The following RNF144B variants were observed in gnomAD, a reference collection of about 807,000 sequenced individuals.
The protein encoded by RNF144B is ring finger protein 144B, also known as E3 ubiquitin-protein ligase RNF144B.
RNF144B carries 25 observed loss-of-function variants against 40.2 expected under a neutral mutation model. The ratio of observed to expected loss-of-function variants is 0.62; its 90% CI spans 0.45 to 0.87. The LOEUF (loss-of-function observed/expected upper bound fraction) is 0.87. RNF144B is among the 40% of genes least tolerant of loss of function. The probability of loss-of-function intolerance (pLI) is 0.00; values close to 1 mark genes in which losing one functional copy is unlikely to be tolerated. For missense variants in RNF144B, 365 were observed against 373.7 expected, an observed-to-expected ratio of 0.98 and a Z score of 0.19; for synonymous variants, 145 against 136.3, an observed-to-expected ratio of 1.06 and a Z score of -0.44.
At position 18,444,673 on chromosome 6, in the gene RNF144B, T is replaced by TA. The variant is rs11435149; in HGVS notation, c.331+4937dup. Among the ~76,000 whole-genome samples, 18,950 of 151,884 alleles carry TA rather than the reference T, an allele frequency of 0.12. 1,358 individuals carry two copies. The highest frequency in any genetic ancestry group is 0.19 in the Admixed American group (2,930 of 15,230). On this transcript the variant is annotated intron_variant, in intron 4 of 7. Transcript: ENST00000259939. The surrounding 1 kb of genome is among the most constrained non-coding windows in gnomAD (Gnocchi z 4.3). ...TTGTGTCATATTGTTCTCCTTCATTTAAAAAAAAGTGAAATAGGAAGTTGT... is the reference window on the plus strand; with the variant it reads ...TTGTGTCATATTGTTCTCCTTCATTTAAAAAAAAAGTGAAATAGGAAGTTGT...
At chr6:18,421,273 T>C (rs1924468) in intron 2 of RNF144B, among the ~76,000 whole-genome samples, 21,383 of 102,074 alleles carry the variant, frequency 0.21, 1,938 homozygotes, top group African/African-American at 0.26. Flanking sequence ...TTATATATTA[T>C]ACACACACAC....
At chr6:18,462,403 T>G (rs1759474707) in intron 6 of RNF144B, among the ~76,000 whole-genome samples, 1 of 152,280 alleles carries the variant, frequency 6.6e-6, no homozygotes, top group Non-Finnish European at 1.5e-5. Flanking sequence ...TGGTTTCTCT[T>G]CTACCTTTCT....
intron 1 of RNF144B, among the ~76,000 whole-genome samples, chr6:18,389,146 T>C (rs530433518): frequency 1.8e-4 from 28 of 152,302 alleles, no homozygotes; most frequent in African/African-American, 5.5e-4. Context: ...GCCAAATATC[T>C]TTGTGCTGAG....
intron 4 of RNF144B, among the ~76,000 whole-genome samples, 182 bp downstream of exon 4, chr6:18,439,926 A>G (rs1371766405): frequency 6.6e-6 from 1 of 152,210 alleles, no homozygotes; most frequent in African/African-American, 2.4e-5. Context: ...CCAGAAAAAA[A>G]TGCAGACTAG....
At chr6:18,463,746 A>T (rs1759519014) in intron 7 of RNF144B, among the ~76,000 whole-genome samples, 1 of 152,212 alleles carries the variant, frequency 6.6e-6, no homozygotes, top group Admixed American at 6.5e-5. Flanking sequence ...CACACTGCTA[A>T]TGAAGACATA....
Position 18,414,737 on chromosome 6 carries a change from T to G in RNF144B, c.166-12844T>G, listed in dbSNP as rs1397254000. On this transcript the variant is annotated intron_variant, in intron 2 of 7. Transcript: ENST00000259939. The surrounding 1 kb of genome is among the most constrained non-coding windows in gnomAD (Gnocchi z 4.9). ...AGCAGTATTAAAATCTGAGATTTGA[T>G]GAATGGTATAAATTTTATCTTTTGC... Among the ~76,000 whole-genome samples, 3 of 152,218 alleles carry G rather than the reference T, an allele frequency of 2.0e-5. No homozygotes were observed. The highest frequency in any genetic ancestry group is 4.8e-5 in the African/African-American group (2 of 41,464).
chr6:18,436,054 A>G (rs1758817300), intron 3 of RNF144B, among the ~76,000 whole-genome samples: 2 of 149,364 alleles, frequency 1.3e-5, no homozygotes, highest in Non-Finnish European at 3.0e-5. Context: ...CTCAAATCAC[A>G]CACTAAAAAA....
At chr6:18,463,700 A>G (rs1759518191) in intron 7 of RNF144B, among the ~76,000 whole-genome samples, 1 of 152,230 alleles carries the variant, frequency 6.6e-6, no homozygotes. Context: ...CCTTTAAGGC[A>G]TATTACCTAT....
At chr6:18,439,380 T>C (rs745698054) in intron 3 of RNF144B, among the ~76,000 whole-genome samples, 2 of 152,160 alleles carry the variant, frequency 1.3e-5, no homozygotes, top group Non-Finnish European at 2.9e-5. Context: ...TGAATAATTT[T>C]AGAAGTCCCT....
intron 2 of RNF144B, among the ~76,000 whole-genome samples, chr6:18,401,204 G>A (rs556900986): frequency 7.2e-5 from 11 of 152,258 alleles, no homozygotes; most frequent in African/African-American, 2.6e-4. Context: ...GTCAACATTG[G>A]GGAAATAATA....
chr6:18,449,042 A>T (rs1405037201), intron 4 of RNF144B, among the ~76,000 whole-genome samples: 1 of 152,184 alleles, frequency 6.6e-6, no homozygotes, highest in Admixed American at 6.5e-5. Flanking sequence ...GGGAAGAAAG[A>T]AGTCTTGTGT....
intron 2 of RNF144B, among the ~76,000 whole-genome samples, chr6:18,427,256 AT>A (rs66527549): frequency 0.086 from 12,832 of 150,006 alleles, 547 homozygotes; most frequent in Middle Eastern, 0.11. Flanking sequence ...AGGAACTCAT[AT>A]TTTTTTTTTT....
At chr6:18,394,776 G>A (rs942327955) in intron 1 of RNF144B, among the ~76,000 whole-genome samples, 14 of 152,150 alleles carry the variant, frequency 9.2e-5, no homozygotes, top group Admixed American at 5.9e-4. Context: ...GGGGAAAGGC[G>A]ACTTTCCATT....
rs11330587 is a variant in RNF144B at position 18,400,272 on chromosome 6, C to CAAA, written c.165+588_165+590dup. ...TGGGCGACAGAGCGAGACTCTGTCTCAAAAAAAAAAAAAAAAATTTAACAT... is the reference window on the plus strand; with the variant it reads ...TGGGCGACAGAGCGAGACTCTGTCTCAAAAAAAAAAAAAAAAAAAATTTAACAT... On this transcript the variant is annotated intron_variant, in intron 2 of 7. Coordinates refer to ENST00000259939, the MANE Select transcript of RNF144B (RefSeq NM_182757.4). The surrounding 1 kb of genome is among the most constrained non-coding windows in gnomAD (Gnocchi z 5.6). 1.4e-4 allele frequency among the ~76,000 whole-genome samples: 16 copies of CAAA among 115,306 alleles called. No individual in the cohort carries two copies. The highest frequency in any genetic ancestry group is 5.4e-4 in the African/African-American group (16 of 29,634). The allele number at this position is 115,306 out of a possible 152,430, so 75.6% of individuals were successfully genotyped here.
intron 3 of RNF144B, among the ~76,000 whole-genome samples, chr6:18,432,008 T>C (rs1367012748): frequency 2.0e-5 from 3 of 152,204 alleles, no homozygotes; most frequent in Non-Finnish European, 2.9e-5. Flanking sequence ...CAACTGCCCA[T>C]GGAGAATACT....
At chr6:18,437,099 C>T (rs1455881757) in intron 3 of RNF144B, among the ~76,000 whole-genome samples, 1 of 152,098 alleles carries the variant, frequency 6.6e-6, no homozygotes, top group Middle Eastern at 3.2e-3. Flanking sequence ...GTATGCTAGG[C>T]TTCCAGACCA....
chr6:18,406,348 A>T lies in RNF144B; in HGVS notation c.165+6649A>T, dbSNP rs1359783704. Among the ~76,000 whole-genome samples, 1 of 152,068 alleles carries T rather than the reference A, an allele frequency of 6.6e-6. No individual in the cohort carries two copies. The highest frequency in any genetic ancestry group is 1.9e-4 in the East Asian group (1 of 5,196). On this transcript the variant is annotated intron_variant, in intron 2 of 7. Coordinates refer to ENST00000259939, the MANE Select transcript of RNF144B (RefSeq NM_182757.4). The surrounding 1 kb of genome is among the most constrained non-coding windows in gnomAD (Gnocchi z 4.2). ...AGGAAATGGGGAACAAGCCATACAG[A>T]TATCTGGGAGAAGAGGGTTGTAGGC...
At position 18,416,334 on chromosome 6, in the gene RNF144B, C is replaced by G. The variant is rs1795148726; in HGVS notation, c.166-11247C>G. On this transcript the variant is annotated intron_variant, in intron 2 of 7. Transcript: ENST00000259939. This position sits in a 1 kb window ranked among gnomAD's most constrained non-coding sequence, Gnocchi z 5.5. ...AAGCAGATTTTTCCAACGCTAGTGC[C>G]AGTTCACTGCTCTGATTGGAATGTT... Among the ~76,000 whole-genome samples the G allele has an allele frequency of 6.6e-6, 1 of 152,156 alleles. No individual in the cohort carries two copies. The highest frequency in any genetic ancestry group is 6.5e-5 in the Admixed American group (1 of 15,272).
chr6:18,452,237 A>C (rs1368151694), intron 4 of RNF144B, among the ~76,000 whole-genome samples: 2 of 152,192 alleles, frequency 1.3e-5, no homozygotes, highest in African/African-American at 4.8e-5. Context: ...GTTTCAGGTA[A>C]GTTGGAGCAC....
Sources: allele counts gnomAD v4.1 joint callset (sites outside exome capture counted in the v4.1 genomes callset), GRCh38; gene constraint gnomAD v4.1.1; non-coding constraint Gnocchi (gnomAD v3.1); transcripts MANE v1.5; gene names NCBI Gene and HGNC (gene_info 2026-07-23, HGNC 2026-07-21).